AKT3: variants seen among roughly 807,000 people sequenced by gnomAD.
The protein encoded by AKT3 is AKT serine/threonine kinase 3, also known as RAC-gamma serine/threonine-protein kinase.
A neutral mutation model predicts 65.3 loss-of-function variants in AKT3; 15 were observed. The ratio of observed to expected loss-of-function variants is 0.23; its 90% CI spans 0.15 to 0.35. The LOEUF is 0.35. AKT3 is among the 10% of genes least tolerant of loss of function. AKT3 has a pLI of 1.00. For missense variants in AKT3, 243 were observed against 576.5 expected, an observed-to-expected ratio of 0.42 and a Z score of 5.92; for synonymous variants, 206 against 183.8, an observed-to-expected ratio of 1.12 and a Z score of -0.98.
intron 4 of AKT3, among the ~76,000 whole-genome samples, chr1:243,660,511 C>T (rs1290742923): frequency 1.3e-5 from 2 of 152,156 alleles, no homozygotes; most frequent in African/African-American, 4.8e-5. Context: ...AATTCAACAA[C>T]CCTTCATGCT....
At chr1:243,609,041 G>A (rs1434662401) in intron 8 of AKT3, among the ~76,000 whole-genome samples, 1 of 151,648 alleles carries the variant, frequency 6.6e-6, no homozygotes, top group African/African-American at 2.4e-5. Flanking sequence ...TGTGAGCCAC[G>A]ACGCCTGGTC....
At chr1:243,632,901 A>C (rs994781343) in intron 6 of AKT3, among the ~76,000 whole-genome samples, 1 of 152,186 alleles carries the variant, frequency 6.6e-6, no homozygotes, top group Non-Finnish European at 1.5e-5. Flanking sequence ...GAATTGGGAG[A>C]ATTAAGGCCT....
chr1:243,735,258 C>A (rs1687776972), intron 2 of AKT3: 1 of 152,174 alleles, frequency 6.6e-6, no homozygotes, highest in South Asian at 2.1e-4. Flanking sequence ...CACTTTTGTA[C>A]AAAACTGGCA....
At chr1:243,832,982 G>A (rs1278859974) in intron 2 of AKT3, among the ~76,000 whole-genome samples, 5 of 152,040 alleles carry the variant, frequency 3.3e-5, no homozygotes, top group Non-Finnish European at 7.4e-5. Context: ...GCCTGAGGCC[G>A]GGCGCAGTGG....
intron 2 of AKT3, among the ~76,000 whole-genome samples, chr1:243,836,111 A>C (rs576389796): frequency 2.0e-5 from 3 of 152,116 alleles, no homozygotes; most frequent in African/African-American, 4.8e-5. Context: ...TAGATTTTTT[A>C]AAAAAGACAC....
intron 6 of AKT3, among the ~76,000 whole-genome samples, chr1:243,626,102 G>A (rs1679139369): frequency 6.6e-6 from 1 of 152,160 alleles, no homozygotes; most frequent in Non-Finnish European, 1.5e-5. Flanking sequence ...GGTAAATACT[G>A]TGACTGAAGG....
At chr1:243,809,763 A>C (rs1244817584) in intron 2 of AKT3, among the ~76,000 whole-genome samples, 1 of 152,212 alleles carries the variant, frequency 6.6e-6, no homozygotes, top group Non-Finnish European at 1.5e-5. Flanking sequence ...CTTATTCCAA[A>C]ATTGACCACA....
At chr1:243,779,765 G>A (rs532379296) in intron 2 of AKT3, among the ~76,000 whole-genome samples, 50 of 152,038 alleles carry the variant, frequency 3.3e-4, no homozygotes, top group Non-Finnish European at 4.6e-4. Context: ...TGCTTCTAGA[G>A]GTAGGAAAGT....
chr1:243,646,515 T>C (rs1309326241), intron 4 of AKT3, among the ~76,000 whole-genome samples: 1 of 151,958 alleles, frequency 6.6e-6, no homozygotes, highest in Non-Finnish European at 1.5e-5. Context: ...ACACAATGCC[T>C]GACTAATTTT....
chr1:243,654,861 G>A (rs1002578982), intron 4 of AKT3, among the ~76,000 whole-genome samples: 38 of 151,838 alleles, frequency 2.5e-4, no homozygotes, highest in African/African-American at 8.7e-4. Context: ...GTCTACATTG[G>A]GGATTTTCCC....
intron 1 of AKT3, among the ~76,000 whole-genome samples, chr1:243,848,692 C>G (rs181335535): frequency 6.6e-6 from 1 of 152,334 alleles, no homozygotes; most frequent in African/African-American, 2.4e-5. Context: ...ACTGTTGAGA[C>G]AACTGCCAAT....
intron 2 of AKT3, among the ~76,000 whole-genome samples, chr1:243,777,090 T>C (rs1190806375): frequency 6.6e-6 from 1 of 152,056 alleles, no homozygotes; most frequent in Non-Finnish European, 1.5e-5. Context: ...ACAGCAGTCC[T>C]CAACCTTTTT....
intron 3 of AKT3, among the ~76,000 whole-genome samples, chr1:243,674,328 T>C (rs1327972045): frequency 2.0e-5 from 3 of 151,968 alleles, no homozygotes; most frequent in African/African-American, 7.2e-5. Context: ...GAGATGACAC[T>C]GTCACCACCG....
intron 13 of AKT3, among the ~76,000 whole-genome samples, chr1:243,491,068 C>G (rs892098492): frequency 6.6e-6 from 1 of 152,196 alleles, no homozygotes; most frequent in African/African-American, 2.4e-5. Flanking sequence ...GGGAGTCTTC[C>G]GTGGAAGCTG....
At chr1:243,744,780 T>TA (rs1382856899) in intron 2 of AKT3, among the ~76,000 whole-genome samples, 1 of 148,410 alleles carries the variant, frequency 6.7e-6, no homozygotes, top group Non-Finnish European at 1.5e-5. Flanking sequence ...ATAACAGAAA[T>TA]AGACTCTCTT....
At chr1:243,572,876 C>T in intron 9 of AKT3, 50 bp downstream of exon 9, 2 of 1,536,448 alleles carry the variant, frequency 1.3e-6, no homozygotes, top group Non-Finnish European at 1.8e-6. Flanking sequence ...TATGTTTGTC[C>T]CTATAGTCTC....
chr1:243,518,981 T>C (rs895642972), intron 12 of AKT3, among the ~76,000 whole-genome samples: 2 of 152,160 alleles, frequency 1.3e-5, no homozygotes, highest in African/African-American at 4.8e-5. Flanking sequence ...GGAAGAATGA[T>C]TAAATCACTG....
At chr1:243,589,244 T>C (rs940219316) in intron 8 of AKT3, among the ~76,000 whole-genome samples, 1 of 137,700 alleles carries the variant, frequency 7.3e-6, no homozygotes, top group African/African-American at 2.8e-5. Context: ...AGGCAGAGGT[T>C]GCAGTGAGCC....
intron 1 of AKT3, among the ~76,000 whole-genome samples, chr1:243,845,140 A>T (rs1476007343): frequency 6.6e-6 from 1 of 152,116 alleles, no homozygotes; most frequent in Non-Finnish European, 1.5e-5. Context: ...TTAAGTGTGG[A>T]GCTTAACCAT....
Sources: allele counts gnomAD v4.1 joint callset (sites outside exome capture counted in the v4.1 genomes callset), GRCh38; gene constraint gnomAD v4.1.1; transcripts MANE v1.5; gene names NCBI Gene and HGNC (gene_info 2026-07-23, HGNC 2026-07-21).